CACNA2D2: variants seen among roughly 807,000 people sequenced by gnomAD.
The protein encoded by CACNA2D2 is voltage-dependent calcium channel subunit alpha-2/delta-2.
A neutral mutation model predicts 166.4 loss-of-function variants in CACNA2D2; 48 were observed. The observed-to-expected ratio is 0.29, with a 90% confidence interval of 0.23 to 0.37. The LOEUF (loss-of-function observed/expected upper bound fraction) is 0.37, where lower values mean the gene tolerates loss of function less well. Among genes scored for constraint, CACNA2D2 ranks in the 10% least tolerant of loss-of-function variants. CACNA2D2 has a pLI of 1.00. For missense variants in CACNA2D2, 1,122 were observed against 1,433.0 expected (o/e 0.78, Z 3.50); for synonymous variants, 561 against 573.7 (o/e 0.98, Z 0.32).
intron 3 of CACNA2D2, among the ~76,000 whole-genome samples, chr3:50,407,632 T>C (rs967433014): frequency 2.6e-5 from 4 of 152,206 alleles, no homozygotes; most frequent in Admixed American, 2.6e-4. Flanking sequence ...GATACCATTC[T>C]CTGAATCCTG....
chr3:50,461,777 A>G (rs146219225), intron 2 of CACNA2D2, among the ~76,000 whole-genome samples: 399 of 150,218 alleles, frequency 2.7e-3, no homozygotes, highest in African/African-American at 9.1e-3. Flanking sequence ...AAAAAGAAAG[A>G]AAGGAAGGAA....
intron 2 of CACNA2D2, among the ~76,000 whole-genome samples, chr3:50,440,964 G>A (rs1197210693): frequency 6.6e-6 from 1 of 152,142 alleles, no homozygotes; most frequent in African/African-American, 2.4e-5. Flanking sequence ...TGGGTGGACA[G>A]GGACGAGGGA....
rs1300955399 is a variant in CACNA2D2, at chr3:50,377,545, G to C, written c.1552-4C>G. 3.7e-6 allele frequency: 6 copies of C among 1,613,090 alleles called. No homozygotes were observed. Among genetic ancestry groups the C allele is most frequent in the Non-Finnish European group, 5.1e-6 (6 of 1,179,866 alleles). On this transcript the variant is annotated splice_region_variant and splice_polypyrimidine_tract_variant and intron_variant, in intron 16 of 37. Transcript: ENST00000424201. ...TCACGCCCAGGATCAGCTGGTTCTG[G>C]GAGCAGAAGCATGGGGGGCTCCTCA...
In CACNA2D2 at chr3:50,365,396, C is replaced by T. The variant is rs587774877; in HGVS notation, c.3058G>A (p.Ala1020Thr). The T allele has an allele frequency of 1.2e-6, 2 of 1,613,596 alleles. No homozygotes were observed. Among genetic ancestry groups the T allele is most frequent in the East Asian group, 2.2e-5 (1 of 44,864 alleles). The change falls in exon 35 of 38, where the codon GCC becomes ACC. Residue 1020 changes from alanine (A) to threonine (T), a missense_variant. By Grantham distance (58) the Ala-to-Thr change is moderately conservative. Coordinates refer to ENST00000424201, the MANE Select transcript of CACNA2D2 (RefSeq NM_006030.4). The surrounding 1 kb of genome is among the most constrained non-coding windows in gnomAD (Gnocchi z 4.5). ...QTQYYFGSVN[A>T]SYNAIIDCGN... ...CAGTCGATGATGGCGTTGTAGGAGG[C>T]GTTTACCGAGCCGAAGTAGTACTGG...
At chr3:50,450,413 G>A (rs536755149) in intron 2 of CACNA2D2, among the ~76,000 whole-genome samples, 5 of 142,082 alleles carry the variant, frequency 3.5e-5, no homozygotes, top group South Asian at 2.3e-4. Context: ...CTAATTCCTC[G>A]CCAGAACTGC....
In CACNA2D2 at chr3:50,375,572, G is replaced by T; in HGVS notation, c.1907+72C>A. Reference sequence around the variant, plus strand: ...TGGGATGGTGGTCACAGTGGGAGAGGGAGGGGACAGCTGGGCTCAGATTCT... The same window carrying T: ...TGGGATGGTGGTCACAGTGGGAGAGTGAGGGGACAGCTGGGCTCAGATTCT... On this transcript the variant is annotated intron_variant, in intron 21 of 37. Coordinates refer to ENST00000424201, the MANE Select transcript of CACNA2D2 (RefSeq NM_006030.4). The surrounding 1 kb of genome is among the most constrained non-coding windows in gnomAD (Gnocchi z 4.0). 1 of 1,521,010 alleles carries T rather than the reference G, an allele frequency of 6.6e-7. No homozygotes were observed. Among genetic ancestry groups the T allele is most frequent in the Non-Finnish European group, 9.1e-7 (1 of 1,102,698 alleles). The allele number at this position is 1,521,010 out of a possible 1,614,324, so 94.2% of individuals were successfully genotyped here.
chr3:50,478,310 C>A (rs1429436891), intron 1 of CACNA2D2, among the ~76,000 whole-genome samples: 1 of 152,186 alleles, frequency 6.6e-6, no homozygotes, highest in Non-Finnish European at 1.5e-5. Context: ...TGTGGGTGGA[C>A]AACATAGCGG....
chr3:50,401,489 G>A (rs1706452340), intron 3 of CACNA2D2, among the ~76,000 whole-genome samples: 1 of 152,124 alleles, frequency 6.6e-6, no homozygotes, highest in Admixed American at 6.5e-5. Flanking sequence ...ATGAGGGGTG[G>A]CCTGTGATGG....
At chr3:50,368,041 T>TG (rs1704444950) in intron 24 of CACNA2D2, 97 bp downstream of exon 24, 19 of 1,188,818 alleles carry the variant, frequency 1.6e-5, no homozygotes, top group Non-Finnish European at 1.9e-5. Flanking sequence ...AGCTTGTGCC[T>TG]GCTTATTTCC....
intron 4 of CACNA2D2, among the ~76,000 whole-genome samples, chr3:50,388,280 T>C (rs993260141): frequency 4.6e-5 from 7 of 152,312 alleles, no homozygotes; most frequent in South Asian, 2.1e-4. Context: ...GCTAATTTCA[T>C]GTGTAATGAT....
In CACNA2D2 at chr3:50,366,850, T is replaced by C. The variant is rs745491986; in HGVS notation, c.2570A>G (p.His857Arg). 6 of 1,613,470 alleles carry C rather than the reference T, an allele frequency of 3.7e-6. No individual in the cohort carries two copies. The highest frequency in any genetic ancestry group is 1.6e-4 in the Middle Eastern group (1 of 6,062). ...KFKVLASNRT[H>R]QDQPQKCGPN... ...AAATACCTTCTGAGGCTGGTCTTGG[T>C]GGGTACGGTTGCTGGCTAGCACCTT... is the stretch of plus-strand genomic sequence containing the variant. Residue 857 changes from histidine (H) to arginine (R), a missense_variant, in exon 29 of 38, where the codon CAC becomes CGC. By Grantham distance (29) the His-to-Arg change is conservative. Coordinates refer to ENST00000424201, the MANE Select transcript of CACNA2D2 (RefSeq NM_006030.4). The surrounding 1 kb of genome is among the most constrained non-coding windows in gnomAD (Gnocchi z 5.9).
intron 1 of CACNA2D2, among the ~76,000 whole-genome samples, chr3:50,479,148 A>G (rs540547494): frequency 6.6e-6 from 1 of 152,318 alleles, no homozygotes; most frequent in South Asian, 2.1e-4. Flanking sequence ...CTTCCCCAAG[A>G]TATACACGCT....
At chr3:50,462,111 C>G (rs1709614149) in intron 2 of CACNA2D2, among the ~76,000 whole-genome samples, 1 of 152,042 alleles carries the variant, frequency 6.6e-6, no homozygotes, top group African/African-American at 2.4e-5. Flanking sequence ...CAGCTGGGCA[C>G]AGTGGCTCAC....
At chr3:50,480,770 G>T in intron 1 of CACNA2D2, among the ~76,000 whole-genome samples, 1 of 128,092 alleles carries the variant, frequency 7.8e-6, no homozygotes, top group Admixed American at 7.6e-5. Flanking sequence ...GCATTCAGGT[G>T]GGGGCTTCCA....
chr3:50,374,313 G>C lies in CACNA2D2; in HGVS notation c.1984+424C>G, dbSNP rs1220175479. 2.5e-3 allele frequency among the ~76,000 whole-genome samples: 220 copies of C among 87,486 alleles called. 4 individuals carry two copies. The highest frequency in any genetic ancestry group is 0.012 in the Middle Eastern group (2 of 166). 57.4% of individuals were successfully genotyped at this position (87,486 alleles called of 152,430 possible). A position where few individuals can be genotyped will look rare whatever the true frequency, so the allele number is the denominator to read the frequency against. On this transcript the variant is annotated intron_variant, in intron 22 of 37. Transcript: ENST00000424201. ...AGGGGAGAGGAGAGGGACAGGAGGA[G>C]GGGGAGGAGAAAGGGGAGGGTAGGG...
chr3:50,474,151 G>A (rs554668765), intron 2 of CACNA2D2, among the ~76,000 whole-genome samples: 2 of 152,322 alleles, frequency 1.3e-5, no homozygotes, highest in Admixed American at 1.3e-4. Flanking sequence ...TCTGCTACAA[G>A]CCAGCAGCAT....
At chr3:50,494,261 G>C (rs923490420) in intron 1 of CACNA2D2, among the ~76,000 whole-genome samples, 1 of 152,154 alleles carries the variant, frequency 6.6e-6, no homozygotes, top group African/African-American at 2.4e-5. Context: ...GCAGGGCGGG[G>C]GTGGGTTGTT....
intron 22 of CACNA2D2, among the ~76,000 whole-genome samples, chr3:50,373,515 G>A (rs1271615681): frequency 1.8e-5 from 2 of 113,830 alleles, no homozygotes; most frequent in African/African-American, 7.2e-5. Flanking sequence ...GGAGAAAGCA[G>A]GGAGGGGGAG....
rs775619000 is a variant in CACNA2D2 at position 50,367,063 on chromosome 3, G to A, written c.2448C>T (p.Leu816=). 3.1e-6 allele frequency: 5 copies of A among 1,613,728 alleles called. No individual in the cohort carries two copies. Among genetic ancestry groups the A allele is most frequent in the South Asian group, 1.1e-5 (1 of 91,084 alleles). ...GGCTGAGCTCCACAGCTGTGCTGAC[G>A]AGGATGCCCACAGTGTCATTCTCCA... The part of the protein sequence containing the change: ...LELENDTVGI[L]VSTAVELSLG... The change falls in exon 28 of 38, where the codon CTC becomes CTT. Residue 816 remains leucine (L), a synonymous_variant. Transcript: ENST00000424201. This position sits in a 1 kb window ranked among gnomAD's most constrained non-coding sequence, Gnocchi z 6.5.
Sources: gnomAD v4.1 joint callset for allele counts (sites outside exome capture counted in the v4.1 genomes callset) on GRCh38, gnomAD v4.1.1 for gene constraint, Gnocchi (gnomAD v3.1) non-coding constraint, MANE v1.5 for transcripts, NCBI Gene and HGNC (gene_info 2026-07-23, HGNC 2026-07-21) for gene names.